The following C1orf141 variants were observed in gnomAD, a reference collection of about 807,000 sequenced individuals.
C1orf141 encodes chromosome 1 open reading frame 141.
Under a neutral mutation model 23.2 loss-of-function variants are expected in C1orf141, and 19 were observed. The ratio of observed to expected loss-of-function variants is 0.82; its 90% confidence interval spans 0.57 to 1.20. The LOEUF is 1.20. Among genes scored for constraint, C1orf141 ranks in the 50% most tolerant of loss-of-function variants. The pLI is 0.00. For synonymous variants in C1orf141, 153 were observed against 154.6 expected (o/e 0.99, Z 0.08); for missense variants, 469 against 455.1 (o/e 1.03, Z -0.28).
chr1:67,110,566 C>A (rs1646045768), intron 5 of C1orf141, among the ~76,000 whole-genome samples: 1 of 152,002 alleles, frequency 6.6e-6, no homozygotes, highest in South Asian at 2.1e-4. Context: ...GAAGAGGAAG[C>A]AGAGAATGAA....
At chr1:67,107,162 C>CTT (rs1199829279) in intron 5 of C1orf141, among the ~76,000 whole-genome samples, 2 of 152,114 alleles carry the variant, frequency 1.3e-5, no homozygotes, top group Non-Finnish European at 2.9e-5. Context: ...CAATTTTACT[C>CTT]TAAGTAGACT....
At chr1:67,109,326 C>CAAAAAAAA (rs58157985) in intron 5 of C1orf141, among the ~76,000 whole-genome samples, 18 of 83,408 alleles carry the variant, frequency 2.2e-4, no homozygotes, top group African/African-American at 8.4e-4. Context: ...GACTCCGTCT[C>CAAAAAAAA]AAAAAAAAAA....
At chr1:67,118,625 C>T (rs1646242601) in intron 4 of C1orf141, among the ~76,000 whole-genome samples, 1 of 152,158 alleles carries the variant, frequency 6.6e-6, no homozygotes, top group Non-Finnish European at 1.5e-5. Context: ...CCCTCAAATT[C>T]AAATGCTGAA....
At chr1:67,108,170 A>G (rs745523624) in intron 5 of C1orf141, among the ~76,000 whole-genome samples, 4 of 152,168 alleles carry the variant, frequency 2.6e-5, no homozygotes, top group Non-Finnish European at 2.9e-5. Flanking sequence ...AATCCCTTAA[A>G]CAGGGTAATA....
chr1:67,111,614 G>A, intron 5 of C1orf141: 2 of 1,387,358 alleles, frequency 1.4e-6, no homozygotes, highest in East Asian at 2.8e-5. Flanking sequence ...GGGTCTAATA[G>A]ATCTTGATTT....
intron 5 of C1orf141, among the ~76,000 whole-genome samples, chr1:67,108,551 G>A (rs1645987685): frequency 6.6e-6 from 1 of 151,956 alleles, no homozygotes; most frequent in Non-Finnish European, 1.5e-5. Context: ...GGCCAACATG[G>A]ACCCCATCTC....
chr1:67,123,218 T>TA (rs907599198), intron 4 of C1orf141: 1 of 38,382 alleles, frequency 2.6e-5, no homozygotes, highest in African/African-American at 1.1e-4. Flanking sequence ...AAAAAAAAAA[T>TA]AAATAAAAAT....
intron 4 of C1orf141, chr1:67,122,985 C>G (rs1646329625): frequency 6.6e-6 from 1 of 151,966 alleles, no homozygotes; most frequent in African/African-American, 2.4e-5. Context: ...GTGGATCACC[C>G]GAGGTCAGGA....
At chr1:67,109,954 G>GGAT (rs1190684015) in intron 5 of C1orf141, among the ~76,000 whole-genome samples, 3 of 151,882 alleles carry the variant, frequency 2.0e-5, no homozygotes, top group Non-Finnish European at 2.9e-5. Flanking sequence ...TTGTTAAATT[G>GGAT]TACCCACTGA....
Position 67,093,098 on chromosome 1 carries a change from G to A in C1orf141, c.1110C>T (p.Tyr370=), listed in dbSNP as rs745982572. ...CATATATATATTTAAAAGGCTTTGA[G>A]TAACATTTGACAGGTAAGGCACTGG... ...PTSSALPVKC[Y]SKPFKYIYEL... Residue 370 remains tyrosine (Y), a synonymous_variant, in exon 8 of 8, where the codon TAC becomes TAT. Coordinates refer to ENST00000684719, the MANE Select transcript of C1orf141 (RefSeq NM_001276351.2). The A allele has an allele frequency of 3.1e-6, 5 of 1,613,108 alleles. No homozygotes were observed. The South Asian group carries it at 4.4e-5, about 14-fold the overall frequency.
At chr1:67,140,440 A>G (rs900936463) in intron 1 of C1orf141, among the ~76,000 whole-genome samples, 7 of 152,180 alleles carry the variant, frequency 4.6e-5, no homozygotes, top group African/African-American at 1.7e-4. Flanking sequence ...ATACCTACAA[A>G]TGATCATTAA....
Position 67,125,944 on chromosome 1 carries a change from A to G in C1orf141, c.76-35T>C, listed in dbSNP as rs1287815192. 3.3e-6 allele frequency: 5 copies of G among 1,513,166 alleles called. No homozygotes were observed. The African/African-American group carries it at 5.7e-5, about 17-fold the overall frequency. The allele number at this position is 1,513,166 out of a possible 1,614,324, so 93.7% of individuals were successfully genotyped here. On this transcript the variant is annotated intron_variant, in intron 3 of 7. Transcript: ENST00000684719. ...TGCCAAAGTGAAAAAAAAAAAAAAA[A>G]AAAGAGTACTTTTTATATGGGGAAA...
At chr1:67,139,416 G>A (rs894145298), upstream of C1orf141, among the ~76,000 whole-genome samples, 1 of 152,092 alleles carries the variant, frequency 6.6e-6, no homozygotes, top group Non-Finnish European at 1.5e-5. Flanking sequence ...CACTCTCCCT[G>A]TCACCACACA....
chr1:67,101,978 C>A (rs1645810687), intron 5 of C1orf141, among the ~76,000 whole-genome samples: 1 of 152,072 alleles, frequency 6.6e-6, no homozygotes, highest in Non-Finnish European at 1.5e-5. Context: ...TTTTACCCTT[C>A]TTTACTAACA....
At chr1:67,124,078 T>A (rs1646355718) in intron 4 of C1orf141, 1 of 152,180 alleles carries the variant, frequency 6.6e-6, no homozygotes, top group Non-Finnish European at 1.5e-5. Context: ...CCTTTCAATT[T>A]GTTAGCTGTA....
intron 5 of C1orf141, among the ~76,000 whole-genome samples, chr1:67,101,449 A>AGTGTGTGTGT (rs10688535): frequency 0.066 from 8,984 of 135,222 alleles, 374 homozygotes; most frequent in East Asian, 0.11. Context: ...TGAATGTAAG[A>AGTGTGTGTGT]GTGTGTGTGT....
At chr1:67,110,062 TA>T (rs1232735873) in intron 5 of C1orf141, among the ~76,000 whole-genome samples, 2 of 152,112 alleles carry the variant, frequency 1.3e-5, no homozygotes, top group Non-Finnish European at 1.5e-5. Context: ...AATAATAATA[TA>T]AATGCTGTTA....
At chr1:67,120,443 T>C (rs1052361872) in intron 4 of C1orf141, among the ~76,000 whole-genome samples, 1 of 152,114 alleles carries the variant, frequency 6.6e-6, no homozygotes, top group Non-Finnish European at 1.5e-5. Flanking sequence ...AGATGTAAAT[T>C]TGGGGGGGAC....
rs1396260802 is a variant in C1orf141, at chr1:67,126,286, C to T, written c.76-377G>A. On this transcript the variant is annotated intron_variant, in intron 3 of 7. Coordinates refer to ENST00000684719, the MANE Select transcript of C1orf141 (RefSeq NM_001276351.2). Reference sequence around the variant, plus strand: ...GCCTGCTCCTCTTCCTGTAGCCACACGCACGATGAATCACACCAATCTTCC... The same window carrying T: ...GCCTGCTCCTCTTCCTGTAGCCACATGCACGATGAATCACACCAATCTTCC... 4.6e-5 allele frequency among the ~76,000 whole-genome samples: 7 copies of T among 152,130 alleles called. No individual in the cohort carries two copies. The East Asian group carries it at 9.6e-4, about 21-fold the overall frequency.
Sources: allele counts gnomAD v4.1 joint callset (sites outside exome capture counted in the v4.1 genomes callset), GRCh38; gene constraint gnomAD v4.1.1; transcripts MANE v1.5; gene names NCBI Gene and HGNC (gene_info 2026-07-23, HGNC 2026-07-21).